RAB30: variants seen among roughly 807,000 people sequenced by gnomAD.
The protein encoded by RAB30 is RAB30, member RAS oncogene family.
Under a neutral mutation model 25.1 loss-of-function variants are expected in RAB30, and 9 were observed. The ratio of observed to expected loss-of-function variants is 0.36; its 90% CI spans 0.22 to 0.63. The LOEUF is 0.63. Ranked by LOEUF, RAB30 falls within the 20% of genes least tolerant of loss-of-function variation. RAB30 has a pLI of 0.69. For synonymous variants in RAB30, 77 were observed against 86.4 expected (o/e 0.89, Z 0.60); for missense variants, 140 against 243.5 (o/e 0.58, Z 2.83).
chr11:82,987,955 A>T (rs1409798677), intron 3 of RAB30, among the ~76,000 whole-genome samples, 185 bp from the exon 4 acceptor site: 1 of 150,378 alleles, frequency 6.6e-6, no homozygotes, highest in African/African-American at 2.4e-5. Context: ...TAAAAAAAAA[A>T]AAATCTGTTG....
chr11:82,994,892 C>A (rs542820824), intron 2 of RAB30, among the ~76,000 whole-genome samples: 3 of 152,174 alleles, frequency 2.0e-5, no homozygotes, highest in Non-Finnish European at 4.4e-5. Context: ...CTCAAACAAA[C>A]CACTCACCCT....
At chr11:83,054,319 A>G (rs1420694666) in intron 1 of RAB30, among the ~76,000 whole-genome samples, 7 of 152,224 alleles carry the variant, frequency 4.6e-5, no homozygotes, top group Non-Finnish European at 8.8e-5. Context: ...TCTTTAGCCT[A>G]CAATCTCCTT....
In RAB30 at chr11:83,024,173, T is replaced by A. The variant is rs146533724; in HGVS notation, c.-8-26849A>T. ...ATATCACCAACTTGAAAGGTTAGCGTTAAGTTTAAGTATTCAAAGCTTACC... is the reference window on the plus strand; with the variant it reads ...ATATCACCAACTTGAAAGGTTAGCGATAAGTTTAAGTATTCAAAGCTTACC... On this transcript the variant is annotated intron_variant, in intron 1 of 4. Transcript: ENST00000527633. 4.2e-4 allele frequency among the ~76,000 whole-genome samples: 64 copies of A among 152,266 alleles called. 1 individual carries two copies. In the East Asian group the frequency reaches 0.012, roughly 29 times the overall value.
chr11:83,021,905 G>A lies in RAB30; in HGVS notation c.-8-24581C>T, dbSNP rs573707040. Among the ~76,000 whole-genome samples, 3 of 152,330 alleles carry A rather than the reference G, an allele frequency of 2.0e-5. No individual in the cohort carries two copies. The South Asian group carries it at 6.2e-4, about 32-fold the overall frequency. ...CCTTCCTCCTAATGACTTTGTGAAT[G>A]TCAGTTTTATCTCTCCAACAAGATG... On this transcript the variant is annotated intron_variant, in intron 1 of 4. Coordinates refer to ENST00000527633, the MANE Select transcript of RAB30 (RefSeq NM_001286060.2).
intron 1 of RAB30, among the ~76,000 whole-genome samples, chr11:83,015,320 G>A (rs1857412715): frequency 6.6e-6 from 1 of 152,090 alleles, no homozygotes; most frequent in South Asian, 2.1e-4. Context: ...ATAAATTTTG[G>A]AGTGTTTTTG....
intron 1 of RAB30, among the ~76,000 whole-genome samples, chr11:82,998,848 G>C (rs1857015930): frequency 6.6e-6 from 1 of 152,152 alleles, no homozygotes; most frequent in African/African-American, 2.4e-5. Flanking sequence ...TGAGGGGAAG[G>C]GTGCTGGGAG....
chr11:83,004,094 T>C (rs1857139987), intron 1 of RAB30, among the ~76,000 whole-genome samples: 1 of 152,240 alleles, frequency 6.6e-6, no homozygotes. Flanking sequence ...AACATGATTT[T>C]AGCTGAGAAT....
chr11:83,005,183 C>G (rs946350516), intron 1 of RAB30, among the ~76,000 whole-genome samples: 1 of 152,176 alleles, frequency 6.6e-6, no homozygotes, highest in Non-Finnish European at 1.5e-5. Context: ...ATCATTCATT[C>G]TGCAAGTGAG....
At chr11:83,069,509 T>C (rs1254239235) in intron 1 of RAB30, among the ~76,000 whole-genome samples, 1 of 152,068 alleles carries the variant, frequency 6.6e-6, no homozygotes. Context: ...GTCCTCCAAG[T>C]ATCTTCAAAA....
intron 1 of RAB30, among the ~76,000 whole-genome samples, chr11:83,010,452 A>AAAAT (rs1478995918): frequency 1.3e-5 from 2 of 152,340 alleles, no homozygotes; most frequent in South Asian, 2.1e-4. Flanking sequence ...CTAAAAAACA[A>AAAAT]AAATAAATAA....
rs1474463627 is a variant in RAB30, at chr11:82,987,621, T to C, written c.327A>G (p.Gln109=). 1 of 1,613,644 alleles carries C rather than the reference T, an allele frequency of 6.2e-7. No homozygotes were observed. The highest frequency in any genetic ancestry group is 1.1e-5 in the South Asian group (1 of 91,028). ...CAGTGATGACCTTGTTGCTGGCATA[T>C]TGTTCTATCTCCCGCAGCCACTCAG... ...CLPEWLREIE[Q]YASNKVITVL... The change falls in exon 4 of 5, where the codon CAA becomes CAG. Residue 109 remains glutamine (Q), a synonymous_variant. Transcript: ENST00000527633.
chr11:83,030,105 G>T (rs1313351883), intron 1 of RAB30, among the ~76,000 whole-genome samples: 1 of 152,122 alleles, frequency 6.6e-6, no homozygotes, highest in Non-Finnish European at 1.5e-5. Context: ...CTGTTTGGTT[G>T]ACAGGTGCAC....
At chr11:83,008,528 T>C (rs1399239437) in intron 1 of RAB30, among the ~76,000 whole-genome samples, 1 of 152,242 alleles carries the variant, frequency 6.6e-6, no homozygotes, top group Non-Finnish European at 1.5e-5. Context: ...GCAGAATTTC[T>C]TACATACTGT....
chr11:83,003,101 G>A (rs1468373421), intron 1 of RAB30, among the ~76,000 whole-genome samples: 1 of 152,208 alleles, frequency 6.6e-6, no homozygotes, highest in Admixed American at 6.5e-5. Flanking sequence ...ATATCAAAGA[G>A]GCAGCATAGG....
Position 82,982,243 on chromosome 11 carries a change from T to C in RAB30, c.534A>G (p.Thr178=), listed in dbSNP as rs746269535. ...AGGGTGAGGATACATTGTTCACAAG[T>C]GTGTTCTGTCTGGCTTCACTGATGA... ...CRLISEARQN[T]LVNNVSSPLP... is the part of the protein sequence containing the mutation. Residue 178 remains threonine (T), a synonymous_variant, in exon 5 of 5, where the codon ACA becomes ACG. Coordinates refer to ENST00000527633, the MANE Select transcript of RAB30 (RefSeq NM_001286060.2). 2.9e-5 allele frequency: 47 copies of C among 1,614,096 alleles called. No individual in the cohort carries two copies. The highest frequency in any genetic ancestry group is 4.0e-5 in the Non-Finnish European group (47 of 1,180,022).
At chr11:83,065,148 G>A (rs916005085) in intron 1 of RAB30, among the ~76,000 whole-genome samples, 1 of 152,016 alleles carries the variant, frequency 6.6e-6, no homozygotes, top group Non-Finnish European at 1.5e-5. Flanking sequence ...CACACTTTGG[G>A]AGGCTAAAAT....
At chr11:82,987,530 A>C (rs772268228) in intron 4 of RAB30, 57 bp downstream of exon 4, 5 of 1,499,056 alleles carry the variant, frequency 3.3e-6, no homozygotes, top group Non-Finnish European at 2.7e-6. Flanking sequence ...GCTTTATGTG[A>C]TTATAAATCC....
chr11:82,995,024 G>A (rs1229814480), intron 2 of RAB30, among the ~76,000 whole-genome samples: 2 of 152,220 alleles, frequency 1.3e-5, no homozygotes, highest in Non-Finnish European at 2.9e-5. Context: ...AAAGGTACAA[G>A]TATAATTTAT....
chr11:83,024,982 C>T (rs934289012), intron 1 of RAB30, among the ~76,000 whole-genome samples: 4 of 152,124 alleles, frequency 2.6e-5, no homozygotes, highest in African/African-American at 4.8e-5. Flanking sequence ...TATTTAACTC[C>T]GTTTAACCGA....
Sources: allele counts gnomAD v4.1 joint callset (sites outside exome capture counted in the v4.1 genomes callset), GRCh38; gene constraint gnomAD v4.1.1; transcripts MANE v1.5; gene names NCBI Gene and HGNC (gene_info 2026-07-23, HGNC 2026-07-21).